Variants in GPBP1 observed in about 807,000 individuals in gnomAD.
GPBP1 encodes vasculin.
A neutral mutation model predicts 56.5 loss-of-function variants in GPBP1; 13 were observed. The ratio of observed to expected loss-of-function variants is 0.23; its 90% CI spans 0.15 to 0.37. The LOEUF (loss-of-function observed/expected upper bound fraction) is 0.37. GPBP1 is among the 10% of genes least tolerant of loss of function. GPBP1 has a pLI of 1.00. For synonymous variants in GPBP1, 204 were observed against 188.9 expected (o/e 1.08, Z -0.66); for missense variants, 477 against 572.3 (o/e 0.83, Z 1.70).
At chr5:57,221,376 G>A (rs754164593) in intron 3 of GPBP1, 1 of 1,532,200 alleles carries the variant, frequency 6.5e-7, no homozygotes, top group Non-Finnish European at 8.8e-7. Context: ...TTGTTAATAG[G>A]TCCTGACCAG....
At chr5:57,258,069 C>T (rs116789433) in intron 10 of GPBP1, among the ~76,000 whole-genome samples, 1,658 of 152,172 alleles carry the variant, frequency 0.011, 30 homozygotes, top group African/African-American at 0.038. Context: ...AATTTGTGAC[C>T]ATGGCACAAA....
chr5:57,255,915 A>C (rs1440195834), intron 10 of GPBP1, among the ~76,000 whole-genome samples: 1 of 152,188 alleles, frequency 6.6e-6, no homozygotes, highest in East Asian at 1.9e-4. Context: ...GTGACTACTA[A>C]CAGGAGAAAA....
intron 10 of GPBP1, among the ~76,000 whole-genome samples, chr5:57,251,660 A>G (rs1741399713): frequency 6.6e-6 from 1 of 151,298 alleles, no homozygotes; most frequent in African/African-American, 2.4e-5. Flanking sequence ...ATTCATATAT[A>G]AGTTCTTGTG....
At chr5:57,243,915 CTGGACTCA>C (rs1170326893) in intron 6 of GPBP1, among the ~76,000 whole-genome samples, 2 of 151,948 alleles carry the variant, frequency 1.3e-5, no homozygotes, top group Non-Finnish European at 2.9e-5. Context: ...TCTTGGACTC[CTGGACTCA>C]AGCGGTCCTC....
Position 57,200,307 on chromosome 5 carries a change from TAAAAC to T in GPBP1, c.-57-13760_-57-13756del, listed in dbSNP as rs1248388952. 5.3e-5 allele frequency among the ~76,000 whole-genome samples: 8 copies of T among 151,710 alleles called. No individual in the cohort carries two copies. The East Asian group carries it at 7.7e-4, about 15-fold the overall frequency. On this transcript the variant is annotated intron_variant, in intron 2 of 11. Transcript: ENST00000506184. ...AAGGTAATTTCATTTTCTGTTTAAT[TAAAAC>T]AAAACATAAAGCATTGTAGTTTTTG...
intron 10 of GPBP1, among the ~76,000 whole-genome samples, chr5:57,258,157 G>GT: frequency 6.6e-6 from 1 of 152,178 alleles, no homozygotes; most frequent in East Asian, 1.9e-4. Context: ...TGTGAAACTG[G>GT]TATCAGGATG....
intron 2 of GPBP1, among the ~76,000 whole-genome samples, chr5:57,200,541 G>A (rs1754969892): frequency 6.6e-6 from 1 of 151,430 alleles, no homozygotes; most frequent in Non-Finnish European, 1.5e-5. Flanking sequence ...CTAATTTTTT[G>A]TATCTTTAGT....
chr5:57,197,151 T>A (rs1169483170), intron 2 of GPBP1, among the ~76,000 whole-genome samples: 1 of 152,098 alleles, frequency 6.6e-6, no homozygotes, highest in Non-Finnish European at 1.5e-5. Context: ...TGACCTCAAG[T>A]GATCCTCCTG....
At chr5:57,188,734 CAT>C (rs1754395706) in intron 2 of GPBP1, among the ~76,000 whole-genome samples, 1 of 152,112 alleles carries the variant, frequency 6.6e-6, no homozygotes, top group African/African-American at 2.4e-5. Context: ...CAGAGCGAGA[CAT>C]TGTCTCAAAA....
intron 2 of GPBP1, among the ~76,000 whole-genome samples, chr5:57,209,376 C>G (rs149462597): frequency 2.3e-3 from 346 of 152,312 alleles, no homozygotes; most frequent in African/African-American, 7.9e-3. Flanking sequence ...TTATAGCACT[C>G]TACAGCCTCA....
intron 5 of GPBP1, among the ~76,000 whole-genome samples, chr5:57,231,913 A>C (rs1318286094): frequency 6.6e-6 from 1 of 152,104 alleles, no homozygotes; most frequent in Non-Finnish European, 1.5e-5. Context: ...ATACTTGATA[A>C]GCAGCGAGCT....
rs531194645 is a variant in GPBP1, at chr5:57,243,809, C to A, written c.479-2491C>A. Among the ~76,000 whole-genome samples the A allele has an allele frequency of 2.8e-3, 425 of 151,836 alleles. 4 individuals are homozygous for A. Among genetic ancestry groups the A allele is most frequent in the African/African-American group, 9.8e-3 (404 of 41,398 alleles). On this transcript the variant is annotated intron_variant, in intron 6 of 11. Transcript: ENST00000506184. ...AAGGGATTCTCCTATGTCAGCCCCC[C>A]AAGTAGCTAAGACTACAGGTGCACA... is the stretch of plus-strand genomic sequence containing the variant.
At chr5:57,211,362 A>T (rs888140895) in intron 2 of GPBP1, among the ~76,000 whole-genome samples, 50 of 151,486 alleles carry the variant, frequency 3.3e-4, no homozygotes, top group Non-Finnish European at 8.8e-5. Flanking sequence ...GGTTTTTAAA[A>T]TTTTTTGTAG....
intron 2 of GPBP1, among the ~76,000 whole-genome samples, chr5:57,200,408 C>T (rs1314667932): frequency 5.2e-4 from 71 of 137,176 alleles, no homozygotes; most frequent in African/African-American, 1.7e-3. Flanking sequence ...CATACTGTCT[C>T]CCAGCCTGGA....
At chr5:57,202,518 A>G (rs938448275) in intron 2 of GPBP1, among the ~76,000 whole-genome samples, 13 of 151,956 alleles carry the variant, frequency 8.6e-5, no homozygotes, top group African/African-American at 3.1e-4. Context: ...CGAACTCCTG[A>G]CCTGCAGTGA....
intron 2 of GPBP1, among the ~76,000 whole-genome samples, chr5:57,213,356 C>T (rs1215805379): frequency 6.6e-6 from 1 of 152,098 alleles, no homozygotes; most frequent in Non-Finnish European, 1.5e-5. Context: ...TGGCCGGTGT[C>T]TTCCTTCTAA....
chr5:57,210,025 CAG>C (rs1218608104), intron 2 of GPBP1, among the ~76,000 whole-genome samples: 5 of 152,180 alleles, frequency 3.3e-5, no homozygotes, highest in Admixed American at 2.0e-4. Flanking sequence ...ATTATAAAGA[CAG>C]TAAGTTTGTT....
intron 2 of GPBP1, among the ~76,000 whole-genome samples, chr5:57,192,222 G>A (rs1174436661): frequency 6.6e-6 from 1 of 152,084 alleles, no homozygotes; most frequent in Non-Finnish European, 1.5e-5. Flanking sequence ...TACCTGAGCT[G>A]GGTGCCTTAA....
chr5:57,176,119 C>G lies in GPBP1; in HGVS notation c.-339C>G. 2.5e-6 allele frequency: 1 copy of G among 397,564 alleles called. No individual in the cohort carries two copies. The allele number at this position is 397,564 out of a possible 1,614,324, so 24.6% of individuals were successfully genotyped here. On this transcript the variant is annotated 5_prime_UTR_variant, in exon 2 of 12. In the 5' UTR this introduces an upstream ATG that the reference lacks. Transcript: ENST00000506184. ...TTGGCTCGTAAATTGGATATTTCAT[C>G]TGGAGTGGACAAGTACAACAGTGGC...
Sources: allele counts gnomAD v4.1 joint callset (sites outside exome capture counted in the v4.1 genomes callset), GRCh38; gene constraint gnomAD v4.1.1; transcripts MANE v1.5; gene names NCBI Gene and HGNC (gene_info 2026-07-23, HGNC 2026-07-21).